The following GPR107 variants were observed in gnomAD, a reference collection of about 807,000 sequenced individuals.
The protein encoded by GPR107 is protein GPR107.
Under a neutral mutation model 75.5 loss-of-function variants are expected in GPR107, and 31 were observed. The ratio of observed to expected loss-of-function variants is 0.41; its 90% confidence interval spans 0.31 to 0.55. The LOEUF (loss-of-function observed/expected upper bound fraction) is 0.55, where lower values mean the gene tolerates loss of function less well. Among genes scored for constraint, GPR107 ranks in the 20% least tolerant of loss-of-function variants. The pLI, the probability that GPR107 is intolerant of heterozygous loss-of-function variation, is 0.26. For synonymous variants in GPR107, 267 were observed against 251.3 expected, an observed-to-expected ratio of 1.06 and a Z score of -0.59; for missense variants, 572 against 665.7, an observed-to-expected ratio of 0.86 and a Z score of 1.55.
Position 130,057,382 on chromosome 9 carries a change from T to C in GPR107, c.141+3309T>C, listed in dbSNP as rs527336034. ...AAAATTAGCCAGATGTGGTGGTGCA[T>C]ACCTATAGTCCCAGCTACCAGGGAG... On this transcript the variant is annotated intron_variant, in intron 1 of 17. Coordinates refer to ENST00000347136, the MANE Select transcript of GPR107 (RefSeq NM_020960.5). Among the ~76,000 whole-genome samples the C allele has an allele frequency of 5.3e-5, 8 of 151,736 alleles. No individual in the cohort carries two copies. In the South Asian group the frequency reaches 1.7e-3, roughly 32 times the overall value.
Position 130,117,368 on chromosome 9 carries a change from T to G in GPR107, c.1307-7547T>G, listed in dbSNP as rs1831451761. Reference sequence around the variant, plus strand: ...TCCCATACTTGCTCCTGATATGGTCTTTGAGTGGGATTAGTGGGATCTTTT... The same window carrying G: ...TCCCATACTTGCTCCTGATATGGTCGTTGAGTGGGATTAGTGGGATCTTTT... On this transcript the variant is annotated intron_variant, in intron 14 of 17. Coordinates refer to ENST00000347136, the MANE Select transcript of GPR107 (RefSeq NM_020960.5). Among the ~76,000 whole-genome samples the G allele has an allele frequency of 1.3e-5, 2 of 152,194 alleles. 1 individual carries two copies. The highest frequency in any genetic ancestry group is 4.1e-4 in the South Asian group (2 of 4,826).
At chr9:130,128,537 A>G in intron 16 of GPR107, 103 bp from the exon 17 acceptor site, 1 of 942,484 alleles carries the variant, frequency 1.1e-6, no homozygotes, top group East Asian at 2.4e-5. Context: ...AGAACCATCG[A>G]GTGGTGGGTT....
At chr9:130,125,031 C>T (rs979767539) in intron 15 of GPR107, 67 bp downstream of exon 15, 14 of 735,986 alleles carry the variant, frequency 1.9e-5, no homozygotes, top group Admixed American at 3.0e-5. Flanking sequence ...AGCAAATGAA[C>T]TTCCAAAGGA....
At chr9:130,133,946 C>T (rs371710658) in intron 17 of GPR107, among the ~76,000 whole-genome samples, 2 of 152,172 alleles carry the variant, frequency 1.3e-5, no homozygotes, top group East Asian at 3.8e-4. Context: ...CAGCTGCATG[C>T]ACTCTAGATG....
rs964508232 is a variant in GPR107 at position 130,053,942 on chromosome 9, C to G, written c.10C>G (p.Leu4Val). The change falls in exon 1 of 18, where the codon CTG becomes GTG. Residue 4 changes from leucine to valine, a missense_variant. By Grantham distance (32) the Leu-to-Val change is conservative. Transcript: ENST00000347136. ...TGATGCTGGAACAAACATGGCCGCTCTGGCGCCCGTCGGCTCCCCCGCCTC... is the reference window on the plus strand; with the variant it reads ...TGATGCTGGAACAAACATGGCCGCTGTGGCGCCCGTCGGCTCCCCCGCCTC... MAA[L>V]APVGSPASRG... is the part of the protein sequence containing the mutation. 5.8e-6 allele frequency: 9 copies of G among 1,556,974 alleles called. No homozygotes were observed. The highest frequency in any genetic ancestry group is 1.4e-5 in the African/African-American group (1 of 73,394).
chr9:130,119,186 T>C (rs1276725505), intron 14 of GPR107, among the ~76,000 whole-genome samples: 1 of 152,142 alleles, frequency 6.6e-6, no homozygotes, highest in Non-Finnish European at 1.5e-5. Context: ...TCATGCTGGT[T>C]TCACCCTGCT....
intron 9 of GPR107, among the ~76,000 whole-genome samples, chr9:130,093,168 T>C (rs1040956434): frequency 6.6e-6 from 1 of 151,844 alleles, no homozygotes; most frequent in African/African-American, 2.4e-5. Context: ...TACTTGTCAC[T>C]GGACAAAACC....
chr9:130,132,074 A>T (rs1166374699), intron 17 of GPR107, among the ~76,000 whole-genome samples: 6 of 152,190 alleles, frequency 3.9e-5, no homozygotes, highest in African/African-American at 1.4e-4. Context: ...TTGTAGAGAT[A>T]GGGTTTTGCC....
chr9:130,124,943 T>C lies in GPR107; in HGVS notation c.1335T>C (p.Leu445=), dbSNP rs998522636. Residue 445 remains leucine, a synonymous_variant, in exon 15 of 18, where the codon CTT becomes CTC. Transcript: ENST00000347136. ...KAAINLAKLK[L]FRHYYVLIVC... ...CTATTAACTTAGCAAAGCTGAAACT[T>C]TTCAGACATTATTACGTCTTGGTAA... 3.9e-6 allele frequency: 6 copies of C among 1,537,522 alleles called. No individual in the cohort carries two copies. Among genetic ancestry groups the C allele is most frequent in the African/African-American group, 1.4e-5 (1 of 70,642 alleles).
intron 1 of GPR107, among the ~76,000 whole-genome samples, chr9:130,062,080 C>G (rs1829938691): frequency 6.6e-6 from 1 of 152,062 alleles, no homozygotes. Context: ...TGGTAGCTTT[C>G]CCACAGGGTA....
At chr9:130,107,351 C>T (rs776445471) in intron 13 of GPR107, 145 bp from the exon 14 acceptor site, 28 of 655,880 alleles carry the variant, frequency 4.3e-5, no homozygotes, top group African/African-American at 7.2e-5. Flanking sequence ...CCCCTCTACC[C>T]GTTTTAGGGA....
intron 17 of GPR107, 128 bp from the exon 18 acceptor site, chr9:130,134,895 TCA>T: frequency 1.5e-6 from 1 of 682,250 alleles, no homozygotes; most frequent in Non-Finnish European, 2.7e-6. Flanking sequence ...GAACCAGGAA[TCA>T]CACTTAGATT....
chr9:130,062,286 G>A (rs756449099), intron 1 of GPR107, among the ~76,000 whole-genome samples: 9 of 150,682 alleles, frequency 6.0e-5, no homozygotes, highest in Non-Finnish European at 1.0e-4. Flanking sequence ...GGTGGCGCAT[G>A]CCTGTAATCC....
At chr9:130,092,009 T>A (rs1830751362) in intron 8 of GPR107, among the ~76,000 whole-genome samples, 1 of 151,752 alleles carries the variant, frequency 6.6e-6, no homozygotes, top group South Asian at 2.1e-4. Context: ...TTTTTTTGTG[T>A]TTTTAGTAGA....
At chr9:130,113,888 G>A (rs1456844056) in intron 14 of GPR107, among the ~76,000 whole-genome samples, 1 of 152,080 alleles carries the variant, frequency 6.6e-6, no homozygotes, top group Non-Finnish European at 1.5e-5. Context: ...TCTGTATGGG[G>A]CCAGATTTTC....
At chr9:130,064,745 G>A (rs1208083001) in intron 1 of GPR107, among the ~76,000 whole-genome samples, 1 of 152,092 alleles carries the variant, frequency 6.6e-6, no homozygotes, top group African/African-American at 2.4e-5. Context: ...CCTATTTTCA[G>A]TGTGCCAGGT....
intron 17 of GPR107, among the ~76,000 whole-genome samples, chr9:130,131,939 G>C (rs1564688280): frequency 6.6e-6 from 1 of 152,070 alleles, no homozygotes; most frequent in Non-Finnish European, 1.5e-5. Flanking sequence ...GGAGTGCAGT[G>C]GCACTATCAC....
At chr9:130,122,662 G>C (rs146168865) in intron 14 of GPR107, among the ~76,000 whole-genome samples, 1 of 152,152 alleles carries the variant, frequency 6.6e-6, no homozygotes, top group East Asian at 1.9e-4. Flanking sequence ...TGCAGCTGTC[G>C]TGTATACTGC....
chr9:130,074,709 G>A (rs1234554837), intron 1 of GPR107, among the ~76,000 whole-genome samples: 1 of 151,992 alleles, frequency 6.6e-6, no homozygotes. Context: ...ATAAGGCTTT[G>A]TTCCCTGAAA....
Sources: gnomAD v4.1 joint callset for allele counts (sites outside exome capture counted in the v4.1 genomes callset) on GRCh38, gnomAD v4.1.1 for gene constraint, MANE v1.5 for transcripts, NCBI Gene and HGNC (gene_info 2026-07-23, HGNC 2026-07-21) for gene names.